SLC39A11: variants seen among roughly 807,000 people sequenced by gnomAD.
SLC39A11 encodes zinc transporter ZIP11.
A neutral mutation model predicts 36.1 loss-of-function variants in SLC39A11; 33 were observed. That is an observed-to-expected ratio of 0.91 (90% confidence interval 0.69 to 1.22). The LOEUF (loss-of-function observed/expected upper bound fraction) is 1.22. SLC39A11 is among the 50% of genes most tolerant of loss of function. SLC39A11 has a pLI of 0.00. For synonymous variants in SLC39A11, 166 were observed against 170.3 expected, an observed-to-expected ratio of 0.97 and a Z score of 0.20; for missense variants, 432 against 430.3, an observed-to-expected ratio of 1.00 and a Z score of -0.03.
chr17:72,769,161 C>T (rs2075849562), intron 6 of SLC39A11, among the ~76,000 whole-genome samples: 1 of 152,182 alleles, frequency 6.6e-6, no homozygotes, highest in Admixed American at 6.5e-5. Flanking sequence ...CTCTCTTAGC[C>T]AGTGGCTCTG....
chr17:73,019,058 T>C (rs2058260394), intron 4 of SLC39A11, among the ~76,000 whole-genome samples: 1 of 152,144 alleles, frequency 6.6e-6, no homozygotes, highest in Non-Finnish European at 1.5e-5. Flanking sequence ...AAAAAACTGT[T>C]AACCTAGAAT....
intron 4 of SLC39A11, among the ~76,000 whole-genome samples, chr17:72,951,488 C>T (rs1179968593): frequency 6.6e-6 from 1 of 152,144 alleles, no homozygotes; most frequent in Non-Finnish European, 1.5e-5. Flanking sequence ...AACTCTGTAT[C>T]AGAGATGCTC....
At chr17:72,992,976 A>G (rs1176680046) in intron 4 of SLC39A11, 1 of 152,270 alleles carries the variant, frequency 6.6e-6, no homozygotes, top group African/African-American at 2.4e-5. Flanking sequence ...GAGAGCTTGC[A>G]CAGGGAAACT....
chr17:72,670,959 C>T (rs979608192), intron 7 of SLC39A11, among the ~76,000 whole-genome samples: 6 of 152,166 alleles, frequency 3.9e-5, no homozygotes, highest in Admixed American at 2.0e-4. Context: ...ATGAAATATA[C>T]GTACACATAC....
At chr17:72,949,043 C>A (rs2085644628) in intron 4 of SLC39A11, among the ~76,000 whole-genome samples, 1 of 149,574 alleles carries the variant, frequency 6.7e-6, no homozygotes, top group Admixed American at 6.8e-5. Flanking sequence ...GGAAGGGAGG[C>A]AGAATCATCT....
At chr17:72,918,729 C>T (rs1662804454) in intron 5 of SLC39A11, among the ~76,000 whole-genome samples, 1 of 152,154 alleles carries the variant, frequency 6.6e-6, no homozygotes, top group Non-Finnish European at 1.5e-5. Flanking sequence ...CTGCGGAGCA[C>T]CTCAAACCCA....
At chr17:72,753,019 C>G (rs1442216263) in intron 6 of SLC39A11, among the ~76,000 whole-genome samples, 2 of 151,950 alleles carry the variant, frequency 1.3e-5, no homozygotes, top group Non-Finnish European at 2.9e-5. Context: ...CCATGCCCAG[C>G]TAATTTATTT....
At chr17:72,672,136 T>C (rs946156106) in intron 7 of SLC39A11, among the ~76,000 whole-genome samples, 2 of 152,192 alleles carry the variant, frequency 1.3e-5, no homozygotes, top group Non-Finnish European at 2.9e-5. Context: ...AATATGTATA[T>C]AAACTCAAAA....
intron 5 of SLC39A11, among the ~76,000 whole-genome samples, chr17:72,928,485 T>C (rs2084185748): frequency 6.6e-6 from 1 of 152,066 alleles, no homozygotes; most frequent in Non-Finnish European, 1.5e-5. Flanking sequence ...CAAAATGTCA[T>C]ATTAAGAAGG....
chr17:72,965,276 A>C (rs1313140100), intron 4 of SLC39A11, among the ~76,000 whole-genome samples: 1 of 152,066 alleles, frequency 6.6e-6, no homozygotes, highest in Non-Finnish European at 1.5e-5. Context: ...GGAATAAAAC[A>C]TCTCTAAAGG....
intron 4 of SLC39A11, among the ~76,000 whole-genome samples, chr17:72,981,077 T>G (rs1189416206): frequency 6.6e-6 from 1 of 151,664 alleles, no homozygotes; most frequent in Non-Finnish European, 1.5e-5. Context: ...AATTTTCTGG[T>G]AGGCACAATC....
At chr17:72,761,277 G>A (rs1480223843) in intron 6 of SLC39A11, among the ~76,000 whole-genome samples, 1 of 152,024 alleles carries the variant, frequency 6.6e-6, no homozygotes, top group Non-Finnish European at 1.5e-5. Context: ...ACCACGCCTG[G>A]CTAATTTTTG....
At chr17:72,773,883 C>G (rs370280057) in intron 6 of SLC39A11, among the ~76,000 whole-genome samples, 6 of 152,212 alleles carry the variant, frequency 3.9e-5, no homozygotes, top group African/African-American at 1.4e-4. Context: ...AAACACCAAC[C>G]ATCTGCAGAG....
At chr17:72,854,748 T>C (rs1189337509) in intron 5 of SLC39A11, among the ~76,000 whole-genome samples, 1 of 152,164 alleles carries the variant, frequency 6.6e-6, no homozygotes, top group Non-Finnish European at 1.5e-5. Flanking sequence ...CAGCCTCTCA[T>C]CCTTCCCACT....
chr17:72,720,194 G>A (rs2073599203), intron 7 of SLC39A11, among the ~76,000 whole-genome samples: 1 of 152,226 alleles, frequency 6.6e-6, no homozygotes, highest in African/African-American at 2.4e-5. Context: ...CTGGGGACAA[G>A]GGCTGGGCAG....
Position 72,728,623 on chromosome 17 carries a change from C to T in SLC39A11, c.671+8027G>A, listed in dbSNP as rs146108877. ...GACAATATGTAAACAAATGGGTGCG[C>T]GTATGCTCCAATAAAGCCTCATTTC... On this transcript the variant is annotated intron_variant, in intron 7 of 9. Coordinates refer to ENST00000255559, the MANE Select transcript of SLC39A11 (RefSeq NM_139177.4). 7.9e-3 allele frequency among the ~76,000 whole-genome samples: 1,199 copies of T among 152,246 alleles called. 18 individuals are homozygous for T. The highest frequency in any genetic ancestry group is 0.027 in the African/African-American group (1,118 of 41,528).
At chr17:72,999,266 T>A (rs2089687053) in intron 4 of SLC39A11, among the ~76,000 whole-genome samples, 1 of 152,210 alleles carries the variant, frequency 6.6e-6, no homozygotes, top group South Asian at 2.1e-4. Flanking sequence ...TGTCTCTCAT[T>A]CTCTCACTGC....
At chr17:72,972,110 C>T (rs781358032) in intron 4 of SLC39A11, among the ~76,000 whole-genome samples, 1 of 152,206 alleles carries the variant, frequency 6.6e-6, no homozygotes, top group Non-Finnish European at 1.5e-5. Context: ...ACGGTCTCAA[C>T]GTTGCTGTAA....
At chr17:72,876,053 A>G (rs1239462091) in intron 5 of SLC39A11, among the ~76,000 whole-genome samples, 1 of 152,146 alleles carries the variant, frequency 6.6e-6, no homozygotes, top group Non-Finnish European at 1.5e-5. Context: ...TAACTGCAAA[A>G]CTGCCCTGAG....
Sources: gnomAD v4.1 joint callset for allele counts (sites outside exome capture counted in the v4.1 genomes callset) on GRCh38, gnomAD v4.1.1 for gene constraint, MANE v1.5 for transcripts, NCBI Gene and HGNC (gene_info 2026-07-23, HGNC 2026-07-21) for gene names.